ARHGAP19: variants seen among roughly 807,000 people sequenced by gnomAD.
The protein encoded by ARHGAP19 is Rho GTPase activating protein 19.
In ARHGAP19, 48 loss-of-function variants were observed where a neutral mutation model predicts 60.9. The observed-to-expected ratio is 0.79, with a 90% CI of 0.62 to 1.00. ARHGAP19 has a LOEUF of 1.00. Among genes scored for constraint, ARHGAP19 ranks in the 50% least tolerant of loss-of-function variants. The probability of loss-of-function intolerance (pLI) is 0.00; values close to 1 mark genes in which losing one functional copy is unlikely to be tolerated. For missense variants in ARHGAP19, 562 were observed against 597.2 expected (o/e 0.94, Z 0.61); for synonymous variants, 209 against 215.5 (o/e 0.97, Z 0.27).
rs905246020 is a variant in ARHGAP19 at position 97,224,722 on chromosome 10, A to G, written c.*1400T>C. 1 of 152,256 alleles carries G rather than the reference A, an allele frequency of 6.6e-6. No individual in the cohort carries two copies. The highest frequency in any genetic ancestry group is 2.4e-5 in the African/African-American group (1 of 41,458). The allele number at this position is 152,256 out of a possible 1,614,324, so 9.4% of individuals were successfully genotyped here. On this transcript the variant is annotated 3_prime_UTR_variant, in exon 12 of 12. Transcript: ENST00000358531. ...ACTCGGCTCCAACCCACAGGGTGAG[A>G]AGGGTTGTACAGCTCCACAGAGCCA...
chr10:97,234,806 C>T (rs1263357281), intron 9 of ARHGAP19, among the ~76,000 whole-genome samples: 2 of 152,164 alleles, frequency 1.3e-5, no homozygotes, highest in Non-Finnish European at 2.9e-5. Flanking sequence ...ACTCACTAGC[C>T]TATTGGAAAA....
At chr10:97,252,903 A>C (rs1842705004) in intron 6 of ARHGAP19, among the ~76,000 whole-genome samples, 1 of 152,198 alleles carries the variant, frequency 6.6e-6, no homozygotes, top group Admixed American at 6.6e-5. Context: ...TAATCAACGT[A>C]AGTGTCCATC....
At chr10:97,270,816 A>G (rs1842951393) in intron 1 of ARHGAP19, 1 of 256,240 alleles carries the variant, frequency 3.9e-6, no homozygotes, top group Non-Finnish European at 6.1e-6. Context: ...GAAGGAAAAT[A>G]GAGATAAAAA....
chr10:97,259,939 G>A (rs1242744748), intron 4 of ARHGAP19, among the ~76,000 whole-genome samples: 1 of 151,816 alleles, frequency 6.6e-6, no homozygotes, highest in Non-Finnish European at 1.5e-5. Flanking sequence ...GGGTTCAAGC[G>A]ATTCTCCTGC....
chr10:97,281,923 C>T (rs888034862), intron 1 of ARHGAP19, among the ~76,000 whole-genome samples: 3 of 152,020 alleles, frequency 2.0e-5, no homozygotes, highest in Non-Finnish European at 4.4e-5. Context: ...AAAATGTTTT[C>T]GCCACACATT....
At chr10:97,259,110 T>C (rs112275931) in intron 5 of ARHGAP19, among the ~76,000 whole-genome samples, 5 of 152,214 alleles carry the variant, frequency 3.3e-5, no homozygotes, top group African/African-American at 9.6e-5. Flanking sequence ...GATTCCACAA[T>C]GAACAGCCAA....
At chr10:97,251,489 G>GAGGGGAAGGCA (rs1564718214) in intron 6 of ARHGAP19, among the ~76,000 whole-genome samples, 14 of 6,064 alleles carry the variant, frequency 2.3e-3, no homozygotes, top group East Asian at 4.8e-3. Context: ...AGGGGAAGGG[G>GAGGGGAAGGCA]AGGGGAAAGG....
intron 4 of ARHGAP19, among the ~76,000 whole-genome samples, chr10:97,262,365 TA>T (rs869205902): frequency 1.3e-4 from 20 of 151,754 alleles, no homozygotes; most frequent in Admixed American, 4.6e-4. Flanking sequence ...TAATAATTTT[TA>T]AAAAAAATAA....
chr10:97,289,115 C>CA (rs1324233482), intron 1 of ARHGAP19, among the ~76,000 whole-genome samples: 1 of 114,456 alleles, frequency 8.7e-6, no homozygotes, highest in Non-Finnish European at 1.8e-5. Context: ...CCGTGCCCGG[C>CA]TTTTTTTTTT....
chr10:97,278,697 T>C (rs892317362), intron 1 of ARHGAP19, among the ~76,000 whole-genome samples: 1 of 152,194 alleles, frequency 6.6e-6, no homozygotes. Flanking sequence ...TAAGGTGATA[T>C]GCTCAGTGAA....
intron 6 of ARHGAP19, among the ~76,000 whole-genome samples, chr10:97,250,125 T>C (rs1842622377): frequency 6.6e-6 from 1 of 152,228 alleles, no homozygotes; most frequent in African/African-American, 2.4e-5. Context: ...TATTGGGAGA[T>C]GCATACATAA....
At chr10:97,258,925 T>C (rs1307862954) in intron 5 of ARHGAP19, among the ~76,000 whole-genome samples, 1 of 152,174 alleles carries the variant, frequency 6.6e-6, no homozygotes, top group Admixed American at 6.5e-5. Flanking sequence ...GGAGACTACA[T>C]ATCTACAGGA....
chr10:97,264,727 G>A (rs1842875581), intron 3 of ARHGAP19, 99 bp downstream of exon 3: 2 of 783,006 alleles, frequency 2.6e-6, no homozygotes, highest in Admixed American at 2.5e-5. Flanking sequence ...TTCCTTTGTT[G>A]ATGGTTAATT....
At chr10:97,226,816 A>G (rs1416812316) in intron 11 of ARHGAP19, among the ~76,000 whole-genome samples, 2 of 152,228 alleles carry the variant, frequency 1.3e-5, no homozygotes. Context: ...TAGCCAGAGA[A>G]AGTTTCAAAG....
chr10:97,260,389 G>C (rs1842814882), intron 4 of ARHGAP19, among the ~76,000 whole-genome samples: 1 of 151,632 alleles, frequency 6.6e-6, no homozygotes, highest in Non-Finnish European at 1.5e-5. Flanking sequence ...AATTTGCCCA[G>C]CATGGTGGTG....
chr10:97,250,425 GC>G (rs1564717442), intron 6 of ARHGAP19, among the ~76,000 whole-genome samples: 1 of 147,490 alleles, frequency 6.8e-6, no homozygotes, highest in African/African-American at 2.5e-5. Context: ...TCGCTCTGTC[GC>G]CAGGCTGGAG....
intron 1 of ARHGAP19, chr10:97,277,730 T>C (rs1427928783): frequency 6.6e-6 from 1 of 152,262 alleles, no homozygotes; most frequent in African/African-American, 2.4e-5. Context: ...TAGACTGTCG[T>C]GTGGTGAACA....
intron 6 of ARHGAP19, among the ~76,000 whole-genome samples, chr10:97,246,786 A>G (rs1024193209): frequency 5.3e-5 from 8 of 152,082 alleles, no homozygotes; most frequent in African/African-American, 1.9e-4. Context: ...GGATGGCTTC[A>G]CTCCAGGAGT....
At chr10:97,226,521 A>G (rs41284262) in intron 11 of ARHGAP19, among the ~76,000 whole-genome samples, 10 of 152,222 alleles carry the variant, frequency 6.6e-5, no homozygotes, top group Non-Finnish European at 1.5e-4. Flanking sequence ...AATGGAACCC[A>G]AGCCCAGCTG....
Sources: gnomAD v4.1 joint callset for allele counts (sites outside exome capture counted in the v4.1 genomes callset) on GRCh38, gnomAD v4.1.1 for gene constraint, MANE v1.5 for transcripts, NCBI Gene and HGNC (gene_info 2026-07-23, HGNC 2026-07-21) for gene names.